Variants in KCNIP1 observed in about 807,000 individuals in gnomAD.
The protein encoded by KCNIP1 is A-type potassium channel modulatory protein KCNIP1.
In KCNIP1, 18 loss-of-function variants were observed where a neutral mutation model predicts 33.0. The observed-to-expected ratio is 0.55, with a 90% CI of 0.38 to 0.81. KCNIP1 has a LOEUF of 0.81. Ranked by LOEUF, KCNIP1 falls within the 30% of genes least tolerant of loss-of-function variation. The pLI, the probability that KCNIP1 is intolerant of heterozygous loss-of-function variation, is 0.00. For missense variants in KCNIP1, 238 were observed against 271.6 expected (o/e 0.88, Z 0.87); for synonymous variants, 93 against 98.3 (o/e 0.95, Z 0.32).
chr5:170,534,854 C>A (rs1166146331), intron 1 of KCNIP1, among the ~76,000 whole-genome samples: 1 of 150,778 alleles, frequency 6.6e-6, no homozygotes, highest in African/African-American at 2.5e-5. Context: ...TTAACAGAGG[C>A]TACAGACAAG....
intron 1 of KCNIP1, among the ~76,000 whole-genome samples, chr5:170,672,214 G>T (rs974466954): frequency 6.6e-6 from 1 of 152,234 alleles, no homozygotes; most frequent in Non-Finnish European, 1.5e-5. Flanking sequence ...AGGACATGGG[G>T]CTATGAGAGA....
chr5:170,470,217 C>G (rs753511188), intron 1 of KCNIP1, among the ~76,000 whole-genome samples: 25 of 152,142 alleles, frequency 1.6e-4, no homozygotes, highest in Non-Finnish European at 3.2e-4. Context: ...TAAAAGAGCT[C>G]TTCTTCACAT....
intron 1 of KCNIP1, among the ~76,000 whole-genome samples, chr5:170,496,002 C>T (rs1395074346): frequency 6.6e-6 from 1 of 152,162 alleles, no homozygotes; most frequent in South Asian, 2.1e-4. Flanking sequence ...ACATGTTCAG[C>T]GGGCCGTGCA....
chr5:170,599,791 G>A (rs1029532184), intron 1 of KCNIP1, among the ~76,000 whole-genome samples: 6 of 152,226 alleles, frequency 3.9e-5, no homozygotes, highest in Non-Finnish European at 7.3e-5. Flanking sequence ...TTCCTCCAGC[G>A]TTGACTTATG....
chr5:170,634,298 G>A (rs936577552), intron 1 of KCNIP1, among the ~76,000 whole-genome samples: 2 of 152,170 alleles, frequency 1.3e-5, no homozygotes, highest in African/African-American at 4.8e-5. Flanking sequence ...CTAAACTCCA[G>A]CATCCATTCA....
At chr5:170,735,082 C>T (rs1312666008) in intron 7 of KCNIP1, among the ~76,000 whole-genome samples, 2 of 152,232 alleles carry the variant, frequency 1.3e-5, no homozygotes. Context: ...TAAGCCTATA[C>T]TGACATTAAC....
chr5:170,407,919 T>C (rs563463724), intron 1 of KCNIP1, among the ~76,000 whole-genome samples: 23 of 152,340 alleles, frequency 1.5e-4, no homozygotes, highest in Middle Eastern at 3.4e-3. Flanking sequence ...GCTATAGGGG[T>C]GTCCCTCAAA....
intron 1 of KCNIP1, chr5:170,712,954 G>C (rs752018872): frequency 3.0e-6 from 4 of 1,331,262 alleles, no homozygotes; most frequent in African/African-American, 2.9e-5. Flanking sequence ...TCTTAATCAA[G>C]CTCATGTTTT....
intron 1 of KCNIP1, among the ~76,000 whole-genome samples, chr5:170,655,510 G>A (rs770618157): frequency 5.5e-4 from 83 of 152,280 alleles, no homozygotes; most frequent in Non-Finnish European, 3.4e-4. Flanking sequence ...TCCCGCCACC[G>A]TTGGCCAATA....
At chr5:170,435,679 A>C (rs1755847097) in intron 1 of KCNIP1, among the ~76,000 whole-genome samples, 1 of 152,112 alleles carries the variant, frequency 6.6e-6, no homozygotes, top group South Asian at 2.1e-4. Context: ...TGACCCTTGG[A>C]GTGATGGATA....
chr5:170,617,031 C>T lies in KCNIP1; in HGVS notation c.62-101727C>T, dbSNP rs116509543. On this transcript the variant is annotated intron_variant, in intron 1 of 7. Transcript: ENST00000328939. ...TCTGTCGCCTCCACCAAGCAGCACA[C>T]TCTTTCTGGCCAGGGTCCATGTCTT... Among the ~76,000 whole-genome samples the T allele has an allele frequency of 3.4e-3, 513 of 152,202 alleles. 3 individuals carry two copies. The highest frequency in any genetic ancestry group is 0.012 in the African/African-American group (479 of 41,496).
chr5:170,542,415 A>G (rs900506908), intron 1 of KCNIP1, among the ~76,000 whole-genome samples: 1 of 152,328 alleles, frequency 6.6e-6, no homozygotes, highest in Non-Finnish European at 1.5e-5. Flanking sequence ...CAAAGATTAC[A>G]TGAGATATAC....
chr5:170,537,643 G>A (rs1361762163), intron 1 of KCNIP1, among the ~76,000 whole-genome samples: 1 of 152,200 alleles, frequency 6.6e-6, no homozygotes, highest in African/African-American at 2.4e-5. Context: ...CGGAGACTGC[G>A]GGCAGGAGGA....
chr5:170,417,790 G>A (rs530783243), intron 1 of KCNIP1, among the ~76,000 whole-genome samples: 2 of 152,296 alleles, frequency 1.3e-5, no homozygotes, highest in South Asian at 2.1e-4. Context: ...AGAATCCAAC[G>A]AATACATTTA....
At chr5:170,587,785 T>G (rs1352577927) in intron 1 of KCNIP1, among the ~76,000 whole-genome samples, 4 of 152,228 alleles carry the variant, frequency 2.6e-5, no homozygotes, top group African/African-American at 9.6e-5. Context: ...CTTAAGTTGA[T>G]CACATCTGCA....
At chr5:170,688,527 C>T (rs973779963) in intron 1 of KCNIP1, among the ~76,000 whole-genome samples, 2 of 152,142 alleles carry the variant, frequency 1.3e-5, no homozygotes, top group Non-Finnish European at 2.9e-5. Flanking sequence ...TGCTTCTCAA[C>T]CACCAAGTAG....
At chr5:170,395,192 T>G (rs183473198) in intron 1 of KCNIP1, among the ~76,000 whole-genome samples, 52 of 152,372 alleles carry the variant, frequency 3.4e-4, no homozygotes, top group African/African-American at 1.2e-3. Context: ...CCACAGGGGC[T>G]AAATTAATTT....
Position 170,504,682 on chromosome 5 carries a change from A to G in KCNIP1, c.61+49A>G. On this transcript the variant is annotated intron_variant, in intron 1 of 7. Coordinates refer to ENST00000328939, the MANE Select transcript of KCNIP1 (RefSeq NM_014592.4). The surrounding 1 kb of genome is among the most constrained non-coding windows in gnomAD (Gnocchi z 6.0). ...TCCCCTGTCTGGGCTTGGGGGTGCT[A>G]GGCGCCGAGGTGGGCTGTGCCACCT... The G allele has an allele frequency of 6.5e-7, 1 of 1,531,894 alleles. No individual in the cohort carries two copies. The highest frequency in any genetic ancestry group is 9.0e-7 in the Non-Finnish European group (1 of 1,106,072). 94.9% of individuals were successfully genotyped at this position (1,531,894 alleles called of 1,614,324 possible). A position where few individuals can be genotyped will look rare whatever the true frequency, so the allele number is the denominator to read the frequency against.
chr5:170,565,994 G>A (rs1757191838), intron 1 of KCNIP1, among the ~76,000 whole-genome samples: 1 of 152,090 alleles, frequency 6.6e-6, no homozygotes, highest in Non-Finnish European at 1.5e-5. Context: ...ACAATTATGG[G>A]GGAAACTTGT....
Sources: gnomAD v4.1 joint callset for allele counts (sites outside exome capture counted in the v4.1 genomes callset) on GRCh38, gnomAD v4.1.1 for gene constraint, Gnocchi (gnomAD v3.1) non-coding constraint, MANE v1.5 for transcripts, NCBI Gene and HGNC (gene_info 2026-07-23, HGNC 2026-07-21) for gene names.